The following WNK3 variants were observed in gnomAD, a reference collection of about 807,000 sequenced individuals.
WNK3 encodes the protein serine/threonine-protein kinase WNK3.
WNK3 carries 18 observed loss-of-function variants against 116.7 expected under a neutral mutation model. The ratio of observed to expected loss-of-function variants is 0.15; its 90% confidence interval spans 0.11 to 0.23. The LOEUF (loss-of-function observed/expected upper bound fraction) is 0.23. WNK3 is among the 10% of genes least tolerant of loss of function. The pLI, the probability that WNK3 is intolerant of heterozygous loss-of-function variation, is 1.00. For missense variants in WNK3, 993 were observed against 1,323.8 expected (o/e 0.75, Z 3.88); for synonymous variants, 404 against 469.4 (o/e 0.86, Z 1.80).
At chrX:54,326,093 A>ATTTTTT (rs781887611) in intron 2 of WNK3, among the ~76,000 whole-genome samples, 1 of 100,754 alleles carries the variant, frequency 9.9e-6, no homozygotes, top group African/African-American at 3.6e-5. Context: ...TGTTTGTTTG[A>ATTTTTT]TTTTTTTTTT....
upstream of WNK3, chrX:54,358,600 T>TA (rs1417585557): frequency 8.9e-6 from 1 of 112,411 alleles, no homozygotes; most frequent in Non-Finnish European, 1.9e-5. Context: ...GCCTCCCAGT[T>TA]ACGTTGCGGG....
At chrX:54,293,826 T>C (rs2068667440) in intron 8 of WNK3, among the ~76,000 whole-genome samples, 1 of 112,450 alleles carries the variant, frequency 8.9e-6, no homozygotes, top group African/African-American at 3.2e-5. Flanking sequence ...TCTTAAAGAC[T>C]AGAAAATTCC....
intron 1 of WNK3, among the ~76,000 whole-genome samples, chrX:54,335,026 C>G (rs946182752): frequency 1.8e-5 from 2 of 110,794 alleles, no homozygotes; most frequent in Non-Finnish European, 3.8e-5. Flanking sequence ...TTTGGGAGGC[C>G]GAGGCGGGCA....
intron 22 of WNK3, among the ~76,000 whole-genome samples, chrX:54,222,914 T>TAATA (rs1419513493): frequency 1.5e-5 from 1 of 68,414 alleles, no homozygotes; most frequent in African/African-American, 7.3e-5. Flanking sequence ...ATAATAATAA[T>TAATA]AATATATATA....
intron 17 of WNK3, among the ~76,000 whole-genome samples, chrX:54,240,283 A>C (rs2068008779): frequency 9.1e-6 from 1 of 109,659 alleles, no homozygotes; most frequent in African/African-American, 3.3e-5. Context: ...AGCCTGGGCA[A>C]CAAGAACGAA....
intron 1 of WNK3, 62 bp from the exon 2 acceptor site, chrX:54,333,854 C>T: frequency 2.4e-6 from 1 of 412,185 alleles, no homozygotes; most frequent in Non-Finnish European, 4.2e-6. Context: ...AAGGAGAAAA[C>T]AAATCACCTG....
chrX:54,346,475 G>A (rs2069431806), intron 1 of WNK3, among the ~76,000 whole-genome samples: 1 of 106,613 alleles, frequency 9.4e-6, no homozygotes, highest in African/African-American at 3.4e-5. Context: ...GTGGTATTGT[G>A]CGCCTGTAGT....
intron 2 of WNK3, among the ~76,000 whole-genome samples, chrX:54,331,982 C>CT (rs2069176234): frequency 9.0e-6 from 1 of 111,663 alleles, no homozygotes; most frequent in Admixed American, 9.6e-5. Flanking sequence ...GAAACCTGTT[C>CT]TTAGCAACTG....
chrX:54,285,433 C>T (rs113796529), intron 10 of WNK3, among the ~76,000 whole-genome samples: 1,193 of 111,558 alleles, frequency 0.011, 14 homozygotes, highest in African/African-American at 0.038. Context: ...TAATCAACAG[C>T]GATTGACTCT....
chrX:54,281,934 G>A (rs2068520875), intron 10 of WNK3, among the ~76,000 whole-genome samples: 1 of 110,996 alleles, frequency 9.0e-6, no homozygotes, highest in South Asian at 3.8e-4. Context: ...TTGCAGATAT[G>A]TCAAGATACT....
At chrX:54,253,168 C>A (rs2068153780) in intron 13 of WNK3, among the ~76,000 whole-genome samples, 3 of 106,719 alleles carry the variant, frequency 2.8e-5, no homozygotes, top group African/African-American at 1.0e-4. Context: ...TATAAACTTT[C>A]TATGTAGCCA....
At chrX:54,216,715 ACTGT>A (rs782509969) in intron 22 of WNK3, among the ~76,000 whole-genome samples, 16 of 111,975 alleles carry the variant, frequency 1.4e-4, no homozygotes, top group Admixed American at 3.8e-4. Context: ...TGTCTTACAA[ACTGT>A]CTGAAGTTTG....
At chrX:54,282,896 C>A (rs913695366) in intron 10 of WNK3, among the ~76,000 whole-genome samples, 1 of 111,594 alleles carries the variant, frequency 9.0e-6, no homozygotes. Flanking sequence ...ATCTTCATGA[C>A]CTTGGATCAA....
chrX:54,219,617 G>A (rs1188106125), intron 22 of WNK3, among the ~76,000 whole-genome samples: 4 of 94,206 alleles, frequency 4.2e-5, no homozygotes, highest in African/African-American at 1.6e-4. Flanking sequence ...GGCGGAGGTT[G>A]CAGTGAGCCG....
Position 54,248,685 on chromosome X carries a change from AATG to A in WNK3, c.3651+9_3651+11del. 8.5e-7 allele frequency: 1 copy of A among 1,174,195 alleles called. No individual in the cohort carries two copies. The highest frequency in any genetic ancestry group is 1.1e-6 in the Non-Finnish European group (1 of 870,616). The stretch of plus-strand genomic sequence containing the variant: ...AAAGAGTAAGGAATTGGTTAGAAAG[AATG>A]ATACTTACATGTAAACACAATTCGC... On this transcript the variant is annotated intron_variant, in intron 17 of 23. Transcript: ENST00000354646.
At chrX:54,255,615 A>G in intron 12 of WNK3, 125 bp downstream of exon 12, 2 of 536,305 alleles carry the variant, frequency 3.7e-6, no homozygotes, top group Non-Finnish European at 5.6e-6. Context: ...AAAGTCTGTA[A>G]CGGAGAAAAG....
chrX:54,337,343 T>C (rs1466214535), intron 1 of WNK3, among the ~76,000 whole-genome samples: 1 of 109,772 alleles, frequency 9.1e-6, no homozygotes, highest in Non-Finnish European at 1.9e-5. Flanking sequence ...GGGTGGATCA[T>C]GAGGTCAGGA....
chrX:54,301,761 T>C lies in WNK3; in HGVS notation c.1178+10A>G, dbSNP rs782634399. The C allele has an allele frequency of 5.8e-6, 7 of 1,196,592 alleles. No homozygotes were observed. In the South Asian group the frequency reaches 1.3e-4, roughly 21 times the overall value. Reference sequence around the variant, plus strand: ...TTTCAGTTATGTCATTTTGCTACAATTGCACCCACCTTTCAGATTTGTTTT... The same window carrying C: ...TTTCAGTTATGTCATTTTGCTACAACTGCACCCACCTTTCAGATTTGTTTT... On this transcript the variant is annotated intron_variant, in intron 6 of 23. Transcript: ENST00000354646.
chrX:54,283,964 T>C (rs1241899005), intron 10 of WNK3, among the ~76,000 whole-genome samples: 1 of 109,311 alleles, frequency 9.1e-6, no homozygotes, highest in Non-Finnish European at 1.9e-5. Context: ...ATAAACCATA[T>C]GAAAGTTTCC....
Sources: gnomAD v4.1 joint callset for allele counts (sites outside exome capture counted in the v4.1 genomes callset) on GRCh38, gnomAD v4.1.1 for gene constraint, MANE v1.5 for transcripts, NCBI Gene and HGNC (gene_info 2026-07-23, HGNC 2026-07-21) for gene names.